The following HOOK3 variants were observed in gnomAD, a reference collection of about 807,000 sequenced individuals.
The protein encoded by HOOK3 is hook microtubule tethering protein 3, also known as protein Hook homolog 3.
HOOK3 carries 24 observed loss-of-function variants against 116.3 expected under a neutral mutation model. The ratio of observed to expected loss-of-function variants is 0.21; its 90% CI spans 0.15 to 0.29. The LOEUF (loss-of-function observed/expected upper bound fraction) is 0.29, where lower values mean the gene tolerates loss of function less well. Among genes scored for constraint, HOOK3 ranks in the 10% least tolerant of loss-of-function variants. The probability of loss-of-function intolerance (pLI) is 1.00; values close to 1 mark genes in which losing one functional copy is unlikely to be tolerated. For missense variants in HOOK3, 632 were observed against 830.2 expected (o/e 0.76, Z 2.93); for synonymous variants, 275 against 283.0 (o/e 0.97, Z 0.28).
chr8:42,991,795 C>T (rs1350955984), intron 15 of HOOK3, among the ~76,000 whole-genome samples: 2 of 151,964 alleles, frequency 1.3e-5, no homozygotes, highest in East Asian at 3.9e-4. Flanking sequence ...CACTAAATTG[C>T]CCAGGCAGGT....
At chr8:42,922,422 T>C (rs57279972) in intron 2 of HOOK3, among the ~76,000 whole-genome samples, 4,476 of 152,004 alleles carry the variant, frequency 0.029, 231 homozygotes, top group African/African-American at 0.1. Context: ...GGCACTGTGA[T>C]GTGTCTTAGC....
chr8:42,921,530 T>A (rs796167125), intron 2 of HOOK3, among the ~76,000 whole-genome samples: 3 of 152,348 alleles, frequency 2.0e-5, no homozygotes, highest in East Asian at 1.9e-4. Context: ...GAGAACACTT[T>A]TGGGGGTTGT....
intron 7 of HOOK3, among the ~76,000 whole-genome samples, chr8:42,958,498 C>T (rs1359720941): frequency 6.6e-6 from 1 of 150,784 alleles, no homozygotes; most frequent in Non-Finnish European, 1.5e-5. Context: ...ACAAAATTAA[C>T]ATAAGGTTTT....
chr8:42,976,289 T>C (rs1175257995), intron 13 of HOOK3, among the ~76,000 whole-genome samples: 1 of 151,664 alleles, frequency 6.6e-6, no homozygotes, highest in Non-Finnish European at 1.5e-5. Context: ...ACAGAGGGCT[T>C]GAGTTCACAA....
At chr8:42,929,579 A>G (rs981958793) in intron 3 of HOOK3, among the ~76,000 whole-genome samples, 1 of 152,244 alleles carries the variant, frequency 6.6e-6, no homozygotes, top group East Asian at 1.9e-4. Flanking sequence ...ACCTAACATT[A>G]TGGCTCATAA....
At chr8:43,002,221 G>A in intron 17 of HOOK3, 80 bp downstream of exon 17, 1 of 1,056,086 alleles carries the variant, frequency 9.5e-7, no homozygotes, top group South Asian at 1.4e-5. Flanking sequence ...GGTGTGTCTG[G>A]GCGTTGGCAC....
At chr8:42,920,744 T>A (rs574383838) in intron 2 of HOOK3, among the ~76,000 whole-genome samples, 1 of 152,348 alleles carries the variant, frequency 6.6e-6, no homozygotes, top group East Asian at 1.9e-4. Flanking sequence ...ACTCTGACAG[T>A]TAACTGTCTG....
chr8:42,911,889 G>A (rs1281512015), intron 2 of HOOK3, among the ~76,000 whole-genome samples: 1 of 152,078 alleles, frequency 6.6e-6, no homozygotes, highest in Non-Finnish European at 1.5e-5. Context: ...AAATCCGAGT[G>A]GTATTGAAAA....
chr8:42,929,566 T>C (rs1807836123), intron 3 of HOOK3, among the ~76,000 whole-genome samples: 1 of 152,252 alleles, frequency 6.6e-6, no homozygotes, highest in Non-Finnish European at 1.5e-5. Context: ...CTGCCCATTC[T>C]TCACCTAACA....
intron 4 of HOOK3, among the ~76,000 whole-genome samples, chr8:42,934,040 CTTATTA>C: frequency 6.6e-6 from 1 of 151,914 alleles, no homozygotes; most frequent in South Asian, 2.1e-4. Flanking sequence ...AAATTTTCAT[CTTATTA>C]TTATTTATTT....
chr8:42,939,399 A>G (rs1178953925), intron 4 of HOOK3, among the ~76,000 whole-genome samples: 2 of 142,384 alleles, frequency 1.4e-5, no homozygotes, highest in Non-Finnish European at 3.1e-5. Flanking sequence ...CGGGGGGCTG[A>G]CCCCCCTACC....
chr8:42,941,329 C>T (rs936534187), intron 4 of HOOK3, among the ~76,000 whole-genome samples: 1 of 150,214 alleles, frequency 6.7e-6, no homozygotes. Context: ...TCCTGGCTAA[C>T]ACGGTGAAAC....
chr8:42,938,911 G>A (rs902585320), intron 4 of HOOK3, among the ~76,000 whole-genome samples: 3 of 151,982 alleles, frequency 2.0e-5, no homozygotes, highest in African/African-American at 7.3e-5. Context: ...AGCGAGTGGT[G>A]ATGACTCTTA....
chr8:42,897,195 G>T lies in HOOK3; in HGVS notation c.57+7G>T. On this transcript the variant is annotated splice_region_variant and intron_variant, in intron 1 of 21. Coordinates refer to ENST00000307602, the MANE Select transcript of HOOK3 (RefSeq NM_032410.4). ...CGAGAGCCTCCTCACTTGGGTACGT[G>T]GGGGCCGCGGGCCGGCGGGAAGACC... 2 of 1,243,382 alleles carry T rather than the reference G, an allele frequency of 1.6e-6. No individual in the cohort carries two copies. Among genetic ancestry groups the T allele is most frequent in the Non-Finnish European group, 2.0e-6 (2 of 989,124 alleles). The allele number at this position is 1,243,382 out of a possible 1,614,324, so 77.0% of individuals were successfully genotyped here.
intron 2 of HOOK3, among the ~76,000 whole-genome samples, chr8:42,921,044 A>G (rs141812880): frequency 2.0e-5 from 3 of 152,310 alleles, no homozygotes; most frequent in African/African-American, 4.8e-5. Flanking sequence ...GATGTGAAAC[A>G]TTGTATTTGA....
At chr8:42,972,419 C>CT (rs1198395057) in intron 11 of HOOK3, among the ~76,000 whole-genome samples, 3 of 151,194 alleles carry the variant, frequency 2.0e-5, no homozygotes, top group African/African-American at 7.3e-5. Flanking sequence ...TTCTTTCTTA[C>CT]TTTTTTTTTA....
intron 21 of HOOK3, among the ~76,000 whole-genome samples, chr8:43,017,567 A>G (rs1809747461): frequency 6.6e-6 from 1 of 152,160 alleles, no homozygotes; most frequent in Non-Finnish European, 1.5e-5. Flanking sequence ...CTCAGTTCTT[A>G]ATGTTTCTCT....
Position 43,022,081 on chromosome 8 carries a change from G to A in HOOK3, c.*3583G>A, listed in dbSNP as rs1283714486. On this transcript the variant is annotated 3_prime_UTR_variant, in exon 22 of 22. Coordinates refer to ENST00000307602, the MANE Select transcript of HOOK3 (RefSeq NM_032410.4). ...ATGATGTTTAAAAACAAAACAGGCT[G>A]TTGTAAAAAAAAAAAAAAAAAAAAC... The A allele has an allele frequency of 5.9e-6, 1 of 169,812 alleles. No homozygotes were observed. The highest frequency in any genetic ancestry group is 1.2e-5 in the Non-Finnish European group (1 of 86,294). The allele number at this position is 169,812 out of a possible 1,614,324, so 10.5% of individuals were successfully genotyped here.
chr8:42,948,983 G>A (rs1201183440), intron 5 of HOOK3, among the ~76,000 whole-genome samples: 1 of 152,148 alleles, frequency 6.6e-6, no homozygotes, highest in Admixed American at 6.5e-5. Flanking sequence ...TAAAGCTTTA[G>A]CATTAACCAG....
Sources: gnomAD v4.1 joint callset for allele counts (sites outside exome capture counted in the v4.1 genomes callset) on GRCh38, gnomAD v4.1.1 for gene constraint, MANE v1.5 for transcripts, NCBI Gene and HGNC (gene_info 2026-07-23, HGNC 2026-07-21) for gene names.